Variants in CCNY observed in about 807,000 individuals in gnomAD.
The protein encoded by CCNY is cyclin Y.
A neutral mutation model predicts 42.8 loss-of-function variants in CCNY; 19 were observed. That is an observed-to-expected ratio of 0.44 (90% CI 0.31 to 0.65). The LOEUF (loss-of-function observed/expected upper bound fraction) is 0.65. Among genes scored for constraint, CCNY ranks in the 30% least tolerant of loss-of-function variants. The pLI is 0.07. For synonymous variants in CCNY, 165 were observed against 162.7 expected (o/e 1.01, Z -0.11); for missense variants, 370 against 437.3 (o/e 0.85, Z 1.37).
intron 1 of CCNY, among the ~76,000 whole-genome samples, chr10:35,421,357 T>G (rs924273064): frequency 6.6e-6 from 1 of 152,158 alleles, no homozygotes; most frequent in African/African-American, 2.4e-5. Flanking sequence ...CACCACTCTC[T>G]CTCTAACTAT....
intron 1 of CCNY, among the ~76,000 whole-genome samples, chr10:35,466,034 C>G (rs1839262763): frequency 6.6e-6 from 1 of 150,796 alleles, no homozygotes; most frequent in Non-Finnish European, 1.5e-5. Context: ...ATCTGAAATA[C>G]CTCTCTGCAG....
At chr10:35,399,524 G>A (rs548338430) in intron 1 of CCNY, among the ~76,000 whole-genome samples, 1 of 152,304 alleles carries the variant, frequency 6.6e-6, no homozygotes, top group African/African-American at 2.4e-5. Context: ...GTGAAGGGAG[G>A]CACAGGCTAT....
chr10:35,258,694 T>C (rs1213887658), intron 3 of CCNY, among the ~76,000 whole-genome samples: 1 of 152,130 alleles, frequency 6.6e-6, no homozygotes, highest in Non-Finnish European at 1.5e-5. Context: ...TCCCAGCACT[T>C]TGGGAGGCCG....
chr10:35,509,022 G>C (rs927692673), intron 3 of CCNY, among the ~76,000 whole-genome samples: 2 of 152,054 alleles, frequency 1.3e-5, no homozygotes, highest in Non-Finnish European at 2.9e-5. Context: ...CTTTCACTTA[G>C]CATAATGTTC....
intron 7 of CCNY, among the ~76,000 whole-genome samples, chr10:35,534,344 C>T (rs1840834494): frequency 6.6e-6 from 1 of 152,118 alleles, no homozygotes; most frequent in Non-Finnish European, 1.5e-5. Flanking sequence ...TCTGAAGGGA[C>T]AGAAAAAAAC....
chr10:35,529,878 A>C (rs537937700), intron 5 of CCNY, 95 bp from the exon 6 acceptor site: 1 of 1,313,696 alleles, frequency 7.6e-7, no homozygotes, highest in South Asian at 1.3e-5. Flanking sequence ...TCCCAAAAAA[A>C]AAAAAAAAGT....
chr10:35,561,108 C>A (rs1245813652), intron 8 of CCNY, among the ~76,000 whole-genome samples: 1 of 152,222 alleles, frequency 6.6e-6, no homozygotes, highest in African/African-American at 2.4e-5. Context: ...CAATGGGTTC[C>A]TTCCACAAAT....
In CCNY at chr10:35,336,855, G is replaced by GCCGCCGCCGCCCATGGCGAGGCC. The variant is rs1334468885; in HGVS notation, c.-187_-165dup. 6.4e-6 allele frequency: 1 copy of GCCGCCGCCGCCCATGGCGAGGCC among 155,700 alleles called. No homozygotes were observed. Among genetic ancestry groups the GCCGCCGCCGCCCATGGCGAGGCC allele is most frequent in the African/African-American group, 2.5e-5 (1 of 40,754 alleles). 9.6% of individuals were successfully genotyped at this position (155,700 alleles called of 1,614,324 possible). On this transcript the variant is annotated 5_prime_UTR_variant, in exon 1 of 10. It adds an upstream start codon to the 5' untranslated region. Coordinates refer to ENST00000374704, the MANE Select transcript of CCNY (RefSeq NM_145012.6). The stretch of plus-strand genomic sequence containing the variant: ...CCGTCGCCCGCTCGTCGCCGCCGCC[G>GCCGCCGCCGCCCATGGCGAGGCC]CCGCCGCCGCCCATGGCGAGGCCCC...
chr10:35,529,893 G>A, intron 5 of CCNY, 80 bp from the exon 6 acceptor site: 2 of 1,232,442 alleles, frequency 1.6e-6, no homozygotes, highest in South Asian at 2.6e-5. Flanking sequence ...AAAAGTCATT[G>A]AATTAAAATG....
intron 3 of CCNY, among the ~76,000 whole-genome samples, chr10:35,277,754 G>A (rs1033775962): frequency 2.0e-5 from 3 of 150,980 alleles, no homozygotes; most frequent in South Asian, 4.2e-4. Context: ...AGTCCTTCCT[G>A]TCACAGAGCT....
At chr10:35,452,177 G>A (rs1329447458) in intron 1 of CCNY, among the ~76,000 whole-genome samples, 1 of 152,134 alleles carries the variant, frequency 6.6e-6, no homozygotes, top group African/African-American at 2.4e-5. Flanking sequence ...TTTACATATT[G>A]AAGTTGCAGT....
intron 1 of CCNY, among the ~76,000 whole-genome samples, chr10:35,433,559 A>G (rs1838460178): frequency 6.6e-6 from 1 of 152,226 alleles, no homozygotes; most frequent in South Asian, 2.1e-4. Context: ...AAAGATAAAA[A>G]CATGGATTTT....
intron 3 of CCNY, among the ~76,000 whole-genome samples, chr10:35,319,939 C>A (rs975180631): frequency 2.0e-5 from 3 of 151,836 alleles, no homozygotes; most frequent in African/African-American, 7.3e-5. Context: ...GACACTGTGA[C>A]ACTCTGTCTC....
chr10:35,395,503 T>G (rs1837504323), intron 1 of CCNY, among the ~76,000 whole-genome samples: 1 of 151,380 alleles, frequency 6.6e-6, no homozygotes, highest in African/African-American at 2.4e-5. Context: ...TTGCTGAGGA[T>G]AAGTCAGGAG....
rs144096752 is a variant in CCNY at position 35,365,840 on chromosome 10, T to G, written c.154+28633T>G. Among the ~76,000 whole-genome samples, 397 of 152,352 alleles carry G rather than the reference T, an allele frequency of 2.6e-3. 4 individuals carry two copies. In the Middle Eastern group the frequency reaches 0.034, roughly 13 times the overall value. ...CAGTTCTTCTGTTATCTGAAAATTATTTCAAAATAAGCTAAAAAATGATTA... is the reference window on the plus strand; with the variant it reads ...CAGTTCTTCTGTTATCTGAAAATTAGTTCAAAATAAGCTAAAAAATGATTA... On this transcript the variant is annotated intron_variant, in intron 1 of 9. Transcript: ENST00000374704.
At chr10:35,385,708 T>C (rs1589080422) in intron 1 of CCNY, among the ~76,000 whole-genome samples, 1 of 152,326 alleles carries the variant, frequency 6.6e-6, no homozygotes, top group East Asian at 1.9e-4. Flanking sequence ...AAGAACGTTT[T>C]AAAACCCAGT....
At position 35,532,716 on chromosome 10, in the gene CCNY, G is replaced by A. The variant is rs116866993; in HGVS notation, c.579+2473G>A. 2.2e-3 allele frequency among the ~76,000 whole-genome samples: 341 copies of A among 152,302 alleles called. 7 individuals carry two copies. In the East Asian group the frequency reaches 0.051, roughly 23 times the overall value. ...GGAAGCCAGGCCTGCAGTGAAGTGGGCAGAAAGGCCTTGGCATCCAGCTGC... is the reference window on the plus strand; with the variant it reads ...GGAAGCCAGGCCTGCAGTGAAGTGGACAGAAAGGCCTTGGCATCCAGCTGC... On this transcript the variant is annotated intron_variant, in intron 7 of 9. Transcript: ENST00000374704.
chr10:35,357,910 G>A (rs550568384), intron 1 of CCNY, among the ~76,000 whole-genome samples: 177 of 152,046 alleles, frequency 1.2e-3, no homozygotes, highest in African/African-American at 3.7e-3. Flanking sequence ...ATTTCATTGA[G>A]TTTTAATCTA....
At chr10:35,425,479 A>G (rs1188381886) in intron 1 of CCNY, among the ~76,000 whole-genome samples, 3 of 152,356 alleles carry the variant, frequency 2.0e-5, no homozygotes, top group Admixed American at 6.5e-5. Context: ...TGTTTATTAT[A>G]ACTCCGTAAT....
Sources: allele counts gnomAD v4.1 joint callset (sites outside exome capture counted in the v4.1 genomes callset), GRCh38; gene constraint gnomAD v4.1.1; transcripts MANE v1.5; gene names NCBI Gene and HGNC (gene_info 2026-07-23, HGNC 2026-07-21).